The following MYO5B variants were observed in gnomAD, a reference collection of about 807,000 sequenced individuals.
MYO5B encodes the protein myosin VB.
A neutral mutation model predicts 229.3 loss-of-function variants in MYO5B; 143 were observed. That is an observed-to-expected ratio of 0.62 (90% CI 0.54 to 0.72). The LOEUF (loss-of-function observed/expected upper bound fraction) is 0.72, where lower values mean the gene tolerates loss of function less well. MYO5B is among the 30% of genes least tolerant of loss of function. The probability of loss-of-function intolerance (pLI) is 0.00; values close to 1 mark genes in which losing one functional copy is unlikely to be tolerated. For synonymous variants in MYO5B, 918 were observed against 885.2 expected (o/e 1.04, Z -0.66); for missense variants, 2,321 against 2,331.0 (o/e 1.00, Z 0.09).
chr18:49,949,003 G>A (rs2025404154), intron 14 of MYO5B, among the ~76,000 whole-genome samples: 1 of 152,202 alleles, frequency 6.6e-6, no homozygotes, highest in Non-Finnish European at 1.5e-5. Flanking sequence ...CTGGGAAGGA[G>A]GTGTAGGGTT....
chr18:49,948,530 C>A (rs1185285300), intron 14 of MYO5B, among the ~76,000 whole-genome samples: 2 of 152,118 alleles, frequency 1.3e-5, no homozygotes, highest in African/African-American at 4.8e-5. Flanking sequence ...TTTCAAATAC[C>A]AGCACATCTT....
intron 1 of MYO5B, among the ~76,000 whole-genome samples, chr18:50,181,132 A>G (rs2033067949): frequency 6.6e-6 from 1 of 152,260 alleles, no homozygotes. Context: ...AAATCAATAG[A>G]TATTTATTAA....
intron 1 of MYO5B, among the ~76,000 whole-genome samples, chr18:50,122,031 C>T (rs111403197): frequency 6.2e-4 from 94 of 152,292 alleles, no homozygotes; most frequent in African/African-American, 2.1e-3. Context: ...AGGACTGAAC[C>T]GACCCCCAAA....
chr18:50,014,296 A>G (rs1337592881), intron 4 of MYO5B, among the ~76,000 whole-genome samples: 1 of 147,032 alleles, frequency 6.8e-6, no homozygotes, highest in Non-Finnish European at 1.5e-5. Flanking sequence ...AAAAAAAAAA[A>G]CTACGGGTAT....
chr18:49,866,673 C>T (rs921539934), intron 27 of MYO5B, among the ~76,000 whole-genome samples: 5 of 152,216 alleles, frequency 3.3e-5, no homozygotes, highest in South Asian at 2.1e-4. Context: ...TCCCATTCCC[C>T]GGCCCTGCCT....
intron 17 of MYO5B, among the ~76,000 whole-genome samples, chr18:49,920,233 G>C (rs1279363462): frequency 6.6e-6 from 1 of 152,174 alleles, no homozygotes; most frequent in Non-Finnish European, 1.5e-5. Context: ...GGTGATGGTT[G>C]TATAACTCTG....
At chr18:50,140,366 G>T (rs1305540906) in intron 1 of MYO5B, among the ~76,000 whole-genome samples, 1 of 152,200 alleles carries the variant, frequency 6.6e-6, no homozygotes. Flanking sequence ...GAACAGGGAG[G>T]AAACTAAAGC....
At position 49,839,709 on chromosome 18, in the gene MYO5B, C is replaced by T. The variant is rs879536653; in HGVS notation, c.4702-415G>A. On this transcript the variant is annotated intron_variant, in intron 35 of 39. Coordinates refer to ENST00000285039, the MANE Select transcript of MYO5B (RefSeq NM_001080467.3). ...GAGTGTGGCCATGGGCCAGATTATA[C>T]GCTTGTATGAGGAGAAATTTTATAC... Among the ~76,000 whole-genome samples, 26 of 152,304 alleles carry T rather than the reference C, an allele frequency of 1.7e-4. 1 individual carries two copies. The highest frequency in any genetic ancestry group is 8.3e-4 in the South Asian group (4 of 4,828).
At chr18:50,119,579 ATTCCGGAGC>A (rs2032024514) in intron 1 of MYO5B, among the ~76,000 whole-genome samples, 1 of 152,154 alleles carries the variant, frequency 6.6e-6, no homozygotes, top group Admixed American at 6.5e-5. Context: ...AAAGAGGGAG[ATTCCGGAGC>A]TTTCCCGAAG....
chr18:50,065,748 G>A (rs1374785743), intron 1 of MYO5B, among the ~76,000 whole-genome samples: 3 of 152,128 alleles, frequency 2.0e-5, no homozygotes, highest in Non-Finnish European at 4.4e-5. Flanking sequence ...CAACAGCACC[G>A]ACATTCACAG....
At chr18:49,835,182 C>T (rs562118687) in intron 39 of MYO5B, among the ~76,000 whole-genome samples, 162 bp downstream of exon 39, 3 of 152,082 alleles carry the variant, frequency 2.0e-5, no homozygotes, top group African/African-American at 4.8e-5. Context: ...ATGGGTGATA[C>T]GGTTCATGTT....
intron 1 of MYO5B, among the ~76,000 whole-genome samples, chr18:50,189,959 G>A (rs1290245861): frequency 1.3e-5 from 2 of 152,138 alleles, no homozygotes; most frequent in African/African-American, 2.4e-5. Flanking sequence ...TGGTGTGTCT[G>A]CCAGTAAAGT....
chr18:50,053,273 A>G (rs562409047), intron 2 of MYO5B, among the ~76,000 whole-genome samples: 1 of 152,108 alleles, frequency 6.6e-6, no homozygotes, highest in Non-Finnish European at 1.5e-5. Context: ...TTCCAATTAC[A>G]TGCTGCCTGG....
intron 1 of MYO5B, among the ~76,000 whole-genome samples, chr18:50,191,715 T>C (rs1197889898): frequency 6.6e-6 from 1 of 152,196 alleles, no homozygotes; most frequent in East Asian, 1.9e-4. Context: ...AAAATGCATA[T>C]CATGGAAAAA....
chr18:49,845,897 TC>T (rs1187391794), intron 33 of MYO5B, among the ~76,000 whole-genome samples: 1 of 152,092 alleles, frequency 6.6e-6, no homozygotes, highest in Non-Finnish European at 1.5e-5. Flanking sequence ...TCACACAGAC[TC>T]CCTCCTGGCC....
intron 4 of MYO5B, among the ~76,000 whole-genome samples, chr18:50,013,056 G>C (rs2144345965): frequency 6.6e-6 from 1 of 152,270 alleles, no homozygotes; most frequent in East Asian, 1.9e-4. Flanking sequence ...AGTCTCTTTA[G>C]TACAATGTCC....
intron 4 of MYO5B, among the ~76,000 whole-genome samples, chr18:50,017,124 T>C (rs905098246): frequency 1.3e-5 from 2 of 152,054 alleles, no homozygotes; most frequent in African/African-American, 2.4e-5. Context: ...TAATTTTTCA[T>C]TTTGTTTTTT....
chr18:50,180,044 A>C (rs1294468055), intron 1 of MYO5B, among the ~76,000 whole-genome samples: 1 of 152,178 alleles, frequency 6.6e-6, no homozygotes, highest in Non-Finnish European at 1.5e-5. Flanking sequence ...TGGTCCTCAA[A>C]ACCAGGATCT....
At chr18:49,920,972 T>C (rs185457847) in intron 17 of MYO5B, among the ~76,000 whole-genome samples, 316 of 152,314 alleles carry the variant, frequency 2.1e-3, no homozygotes, top group Non-Finnish European at 3.9e-3. Flanking sequence ...CCTGAGATAA[T>C]GACTCATATC....
Sources: allele counts gnomAD v4.1 joint callset (sites outside exome capture counted in the v4.1 genomes callset), GRCh38; gene constraint gnomAD v4.1.1; transcripts MANE v1.5; gene names NCBI Gene and HGNC (gene_info 2026-07-23, HGNC 2026-07-21).